GPN2: variants seen among roughly 807,000 people sequenced by gnomAD.
GPN2 encodes the protein ATP-binding domain 1 family member B.
In GPN2, 27 loss-of-function variants were observed where a neutral mutation model predicts 30.1. That is an observed-to-expected ratio of 0.90 (90% confidence interval 0.66 to 1.24). GPN2 has a LOEUF of 1.24. Among genes scored for constraint, GPN2 ranks in the 50% most tolerant of loss-of-function variants. The pLI is 0.00. For missense variants in GPN2, 406 were observed against 405.4 expected (o/e 1.00, Z -0.01); for synonymous variants, 212 against 174.4 (o/e 1.22, Z -1.70).
At chr1:26,886,164 C>T (rs755005353) in intron 2 of GPN2, 31 bp from the exon 3 acceptor site, 4 of 1,578,226 alleles carry the variant, frequency 2.5e-6, no homozygotes, top group Non-Finnish European at 3.5e-6. Context: ...TCAGGAGCAA[C>T]CAGTATCAGG....
At chr1:26,883,675 T>C (rs1197548380) in intron 4 of GPN2, among the ~76,000 whole-genome samples, 4 of 151,270 alleles carry the variant, frequency 2.6e-5, no homozygotes, top group Non-Finnish European at 2.9e-5. Flanking sequence ...TACCAGCTAC[T>C]TGGGAGGCTG....
At chr1:26,884,060 A>C in intron 4 of GPN2, 100 bp downstream of exon 4, 2 of 910,182 alleles carry the variant, frequency 2.2e-6, no homozygotes, top group Non-Finnish European at 3.3e-6. Context: ...AAAAAAAAAG[A>C]AATTGGTCAT....
At chr1:26,883,616 G>A (rs752607783) in intron 4 of GPN2, among the ~76,000 whole-genome samples, 2 of 151,888 alleles carry the variant, frequency 1.3e-5, no homozygotes, top group Non-Finnish European at 2.9e-5. Context: ...GTGAAACCCC[G>A]TCTCTACTAA....
chr1:26,883,131 G>A (rs2081872795), intron 4 of GPN2, among the ~76,000 whole-genome samples: 1 of 152,128 alleles, frequency 6.6e-6, no homozygotes, highest in Non-Finnish European at 1.5e-5. Context: ...AATTGCAGGG[G>A]CTTTTCTAAA....
At chr1:26,881,141 G>A (rs953281118) in intron 4 of GPN2, among the ~76,000 whole-genome samples, 1 of 152,064 alleles carries the variant, frequency 6.6e-6, no homozygotes, top group African/African-American at 2.4e-5. Context: ...TTATATATAC[G>A]AATACATAAA....
In GPN2 at chr1:26,884,296, C is replaced by T; in HGVS notation, c.730-6G>A. The T allele has an allele frequency of 6.2e-7, 1 of 1,602,186 alleles. No homozygotes were observed. Among genetic ancestry groups the T allele is most frequent in the Non-Finnish European group, 8.5e-7 (1 of 1,176,758 alleles). ...CGCTGGATGCTCTCCTTGTCCTGAG[C>T]AGGGAGGAGAGAAACAGTTCTGTGA... On this transcript the variant is annotated splice_polypyrimidine_tract_variant and splice_region_variant and intron_variant, in intron 3 of 4. Transcript: ENST00000374135.
chr1:26,879,486 T>G lies in GPN2; in HGVS notation c.*191A>C. The G allele has an allele frequency of 1.7e-6, 1 of 604,714 alleles. No homozygotes were observed. Among genetic ancestry groups the G allele is most frequent in the Non-Finnish European group, 3.0e-6 (1 of 331,888 alleles). The allele number at this position is 604,714 out of a possible 1,614,324, so 37.5% of individuals were successfully genotyped here. ...CAGAGCTCACGGACACCACTGACAG[T>G]ATGGGGGGTGTTCTGCTTGGCACCA... On this transcript the variant is annotated 3_prime_UTR_variant, in exon 5 of 5. Transcript: ENST00000374135.
intron 2 of GPN2, among the ~76,000 whole-genome samples, chr1:26,886,837 T>G (rs1173239762): frequency 7.7e-6 from 1 of 129,774 alleles, no homozygotes; most frequent in South Asian, 2.5e-4. Flanking sequence ...GAAAAAAAAA[T>G]ACAAAATTAG....
chr1:26,888,187 A>T (rs2081901379), intron 2 of GPN2, among the ~76,000 whole-genome samples: 1 of 152,040 alleles, frequency 6.6e-6, no homozygotes, highest in Admixed American at 6.5e-5. Flanking sequence ...AAGAAAAAAA[A>T]GCTGGCCACT....
rs989668053 is a variant in GPN2 at position 26,888,835 on chromosome 1, A to G, written c.568+134T>C. 32 of 789,078 alleles carry G rather than the reference A, an allele frequency of 4.1e-5. No homozygotes were observed. In the South Asian group the frequency reaches 5.0e-4, roughly 12 times the overall value. 48.9% of individuals were successfully genotyped at this position (789,078 alleles called of 1,614,324 possible). A position where few individuals can be genotyped will look rare whatever the true frequency, so the allele number is the denominator to read the frequency against. On this transcript the variant is annotated intron_variant, in intron 2 of 4. Coordinates refer to ENST00000374135, the MANE Select transcript of GPN2 (RefSeq NM_018066.4). Reference sequence around the variant, plus strand: ...ACAGAGTGGCACAAAATAAATGGGCAGGAGTTAGAACCTGCCTGTGGCTAC... The same window carrying G: ...ACAGAGTGGCACAAAATAAATGGGCGGGAGTTAGAACCTGCCTGTGGCTAC...
chr1:26,883,768 A>C (rs1402588742), intron 4 of GPN2, among the ~76,000 whole-genome samples: 1 of 151,750 alleles, frequency 6.6e-6, no homozygotes, highest in Non-Finnish European at 1.5e-5. Context: ...CCTGGGCAAC[A>C]AGAGCGAAAC....
chr1:26,889,364 A>C (rs969806006), intron 1 of GPN2, among the ~76,000 whole-genome samples: 4 of 151,334 alleles, frequency 2.6e-5, no homozygotes, highest in Non-Finnish European at 4.4e-5. Flanking sequence ...ATGGCATCTG[A>C]CTCCACTCTT....
intron 2 of GPN2, among the ~76,000 whole-genome samples, chr1:26,888,216 C>T (rs893980607): frequency 6.6e-6 from 1 of 152,128 alleles, no homozygotes; most frequent in African/African-American, 2.4e-5. Flanking sequence ...AGCCAACTCC[C>T]CTGCCTCATA....
chr1:26,882,993 A>G (rs2124294087), intron 4 of GPN2, among the ~76,000 whole-genome samples: 1 of 152,248 alleles, frequency 6.6e-6, no homozygotes, highest in South Asian at 2.1e-4. Flanking sequence ...CTTACAGTCT[A>G]TCTCCTTAGT....
At chr1:26,885,718 T>C (rs141847393) in intron 3 of GPN2, among the ~76,000 whole-genome samples, 9,547 of 151,978 alleles carry the variant, frequency 0.063, 372 homozygotes, top group Non-Finnish European at 0.086. Flanking sequence ...TAGCTGGGAC[T>C]ACAGGCACCT....
intron 4 of GPN2, among the ~76,000 whole-genome samples, chr1:26,883,072 C>A (rs1159714648): frequency 6.6e-6 from 1 of 152,236 alleles, no homozygotes; most frequent in Non-Finnish European, 1.5e-5. Flanking sequence ...CCTAGCAAGA[C>A]TGTAAAACTC....
intron 2 of GPN2, 197 bp downstream of exon 2, chr1:26,888,772 T>C (rs1363780896): frequency 4.7e-6 from 3 of 643,586 alleles, no homozygotes; most frequent in Non-Finnish European, 8.4e-6. Flanking sequence ...ACACCATCTG[T>C]AGCTCTCTTG....
chr1:26,884,039 CAAAAAAA>C (rs373357961), intron 4 of GPN2, 114 bp downstream of exon 4: 42 of 426,490 alleles, frequency 9.8e-5, no homozygotes, highest in Admixed American at 1.7e-4. Context: ...GACTCCATCT[CAAAAAAA>C]AAAAAAAAAA....
chr1:26,882,464 C>A (rs915342090), intron 4 of GPN2, among the ~76,000 whole-genome samples: 1 of 152,146 alleles, frequency 6.6e-6, no homozygotes, highest in East Asian at 1.9e-4. Context: ...TTAGTACCTT[C>A]ATCAGGGACT....
Sources: allele counts gnomAD v4.1 joint callset (sites outside exome capture counted in the v4.1 genomes callset), GRCh38; gene constraint gnomAD v4.1.1; transcripts MANE v1.5; gene names NCBI Gene and HGNC (gene_info 2026-07-23, HGNC 2026-07-21).